The following CETN3 variants were observed in gnomAD, a reference collection of about 807,000 sequenced individuals.
CETN3 encodes centrin 3, also known as centrin-3.
Under a neutral mutation model 20.1 loss-of-function variants are expected in CETN3, and 17 were observed. That is an observed-to-expected ratio of 0.85 (90% CI 0.58 to 1.27). The LOEUF is 1.27. CETN3 is among the 50% of genes most tolerant of loss of function. The probability of loss-of-function intolerance (pLI) is 0.00; values close to 1 mark genes in which losing one functional copy is unlikely to be tolerated. For missense variants in CETN3, 169 were observed against 191.2 expected, an observed-to-expected ratio of 0.88 and a Z score of 0.69; for synonymous variants, 52 against 59.7, an observed-to-expected ratio of 0.87 and a Z score of 0.59.
chr5:90,394,870 C>G (rs1031520776), intron 4 of CETN3, among the ~76,000 whole-genome samples: 12 of 144,450 alleles, frequency 8.3e-5, no homozygotes, highest in Non-Finnish European at 1.1e-4. Context: ...ATCAGATAAT[C>G]TTATAGAATA....
intron 3 of CETN3, among the ~76,000 whole-genome samples, chr5:90,403,081 A>C (rs1376093419): frequency 6.6e-6 from 1 of 152,230 alleles, no homozygotes; most frequent in Non-Finnish European, 1.5e-5. Flanking sequence ...CACTAGCCTC[A>C]GGCTGTCTTG....
At chr5:90,409,379 C>A (rs1338544960) in intron 1 of CETN3, among the ~76,000 whole-genome samples, 1 of 152,166 alleles carries the variant, frequency 6.6e-6, no homozygotes, top group Non-Finnish European at 1.5e-5. Flanking sequence ...CCACCTCGCT[C>A]GCAACTAAGC....
intron 4 of CETN3, chr5:90,396,000 A>T (rs1749128708): frequency 4.5e-6 from 4 of 895,534 alleles, no homozygotes; most frequent in African/African-American, 1.8e-5. Flanking sequence ...TTATTAAAAC[A>T]AAGACCAAAT....
At position 90,395,795 on chromosome 5, in the gene CETN3, A is replaced by C. The variant is rs1749125093; in HGVS notation, c.461-1688T>G. ...AGTCTGACAATTTTTCTGTTTGAGA[A>C]TATTCATAATGAACAGTTAGAAAAA... On this transcript the variant is annotated intron_variant, in intron 4 of 4. Coordinates refer to ENST00000283122, the MANE Select transcript of CETN3 (RefSeq NM_004365.4). 4 of 778,352 alleles carry C rather than the reference A, an allele frequency of 5.1e-6. No individual in the cohort carries two copies. The Admixed American group carries it at 2.5e-4, about 49-fold the overall frequency. 48.2% of individuals were successfully genotyped at this position (778,352 alleles called of 1,614,324 possible). A position where few individuals can be genotyped will look rare whatever the true frequency, so the allele number is the denominator to read the frequency against.
intron 4 of CETN3, among the ~76,000 whole-genome samples, chr5:90,396,958 T>C (rs975542069): frequency 1.3e-5 from 2 of 152,050 alleles, no homozygotes; most frequent in Non-Finnish European, 2.9e-5. Flanking sequence ...GTATAACAAT[T>C]TACATAGCAT....
chr5:90,400,181 T>C (rs1327229346), intron 3 of CETN3, among the ~76,000 whole-genome samples: 5 of 152,162 alleles, frequency 3.3e-5, no homozygotes, highest in Non-Finnish European at 7.4e-5. Context: ...AATCTGACTA[T>C]AGCAGGAAAG....
chr5:90,393,433 T>C lies in CETN3; in HGVS notation c.*631A>G, dbSNP rs1402936526. ...AATGATACCAAGTTAAGAAACATAA[T>C]ACACAAGGATAAATGGGTCTATCTG... On this transcript the variant is annotated 3_prime_UTR_variant, in exon 5 of 5. Coordinates refer to ENST00000283122, the MANE Select transcript of CETN3 (RefSeq NM_004365.4). 6.6e-6 allele frequency: 1 copy of C among 152,244 alleles called. No homozygotes were observed. The highest frequency in any genetic ancestry group is 2.1e-4 in the South Asian group (1 of 4,828). The allele number at this position is 152,244 out of a possible 1,614,324, so 9.4% of individuals were successfully genotyped here.
intron 4 of CETN3, among the ~76,000 whole-genome samples, chr5:90,394,453 A>C (rs924437946): frequency 1.3e-5 from 2 of 152,020 alleles, no homozygotes; most frequent in Admixed American, 1.3e-4. Flanking sequence ...TTCTTTAAAC[A>C]ACCCTCTTTA....
intron 2 of CETN3, among the ~76,000 whole-genome samples, chr5:90,406,575 CA>C (rs937954391): frequency 7.3e-5 from 11 of 151,208 alleles, no homozygotes; most frequent in Non-Finnish European, 5.9e-5. Context: ...TAGTTGGTGG[CA>C]AAAGTGTAGA....
chr5:90,392,298 T>C lies in CETN3; in HGVS notation c.*1766A>G, dbSNP rs1053897519. The C allele has an allele frequency of 6.6e-6, 1 of 152,128 alleles. No homozygotes were observed. The highest frequency in any genetic ancestry group is 6.5e-5 in the Admixed American group (1 of 15,272). The allele number at this position is 152,128 out of a possible 1,614,324, so 9.4% of individuals were successfully genotyped here. On this transcript the variant is annotated 3_prime_UTR_variant, in exon 5 of 5. Coordinates refer to ENST00000283122, the MANE Select transcript of CETN3 (RefSeq NM_004365.4). Reference sequence around the variant, plus strand: ...GTTTTATTTTTCACTTTCCTGGAAATCAATATATTTCATGATCAAGACAGA... The same window carrying C: ...GTTTTATTTTTCACTTTCCTGGAAACCAATATATTTCATGATCAAGACAGA...
At chr5:90,399,642 G>T in intron 3 of CETN3, 93 bp from the exon 4 acceptor site, 1 of 974,284 alleles carries the variant, frequency 1.0e-6, no homozygotes. Flanking sequence ...GAGAATTAAA[G>T]CTGTGACTGT....
At chr5:90,396,752 G>GT (rs1232603721) in intron 4 of CETN3, among the ~76,000 whole-genome samples, 1 of 151,954 alleles carries the variant, frequency 6.6e-6, no homozygotes, top group Non-Finnish European at 1.5e-5. Context: ...TCATATATAA[G>GT]TTTGAAAACC....
intron 3 of CETN3, among the ~76,000 whole-genome samples, chr5:90,400,094 T>C (rs1749243461): frequency 6.6e-6 from 1 of 152,196 alleles, no homozygotes; most frequent in Admixed American, 6.5e-5. Context: ...AGACAGCATT[T>C]GAAAATTCCA....
rs1379795859 is a variant in CETN3 at position 90,394,014 on chromosome 5, G to T, written c.*50C>A. On this transcript the variant is annotated 3_prime_UTR_variant, in exon 5 of 5. Coordinates refer to ENST00000283122, the MANE Select transcript of CETN3 (RefSeq NM_004365.4). ...TCACATGGCTCCAGGCACAAAAATA[G>T]AATATAAGATGGTAACTGCAACATT... 3 of 1,284,864 alleles carry T rather than the reference G, an allele frequency of 2.3e-6. No homozygotes were observed. The highest frequency in any genetic ancestry group is 3.3e-6 in the Non-Finnish European group (3 of 901,712). 79.6% of individuals were successfully genotyped at this position (1,284,864 alleles called of 1,614,324 possible).
chr5:90,394,746 G>T (rs6872918), intron 4 of CETN3, among the ~76,000 whole-genome samples: 10,984 of 151,606 alleles, frequency 0.072, 1,337 homozygotes, highest in African/African-American at 0.25. Flanking sequence ...TAGATGTAAA[G>T]GCAGAAAATA....
chr5:90,395,624 G>A (rs1749120951), intron 4 of CETN3: 1 of 155,872 alleles, frequency 6.4e-6, no homozygotes, highest in Non-Finnish European at 1.4e-5. Flanking sequence ...ATGGGCCATG[G>A]TGCCTGGCCT....
rs1749053554 is a variant in CETN3, at chr5:90,393,003, T to C, written c.*1061A>G. The C allele has an allele frequency of 2.0e-5, 3 of 152,276 alleles. No individual in the cohort carries two copies. The highest frequency in any genetic ancestry group is 3.9e-4 in the East Asian group (2 of 5,180). The allele number at this position is 152,276 out of a possible 1,614,324, so 9.4% of individuals were successfully genotyped here. ...AAGAAAGATTGCTGAAATAGACAAC[T>C]CAATTCCGTTCCTGGGAGAGCCCAT... On this transcript the variant is annotated 3_prime_UTR_variant, in exon 5 of 5. Coordinates refer to ENST00000283122, the MANE Select transcript of CETN3 (RefSeq NM_004365.4).
chr5:90,399,536 T>C lies in CETN3; in HGVS notation c.282A>G (p.Ile94Met), dbSNP rs781631508. Residue 94 changes from isoleucine (I) to methionine (M), a missense_variant, in exon 4 of 5, where the codon ATA becomes ATG. Physicochemically the swap from Ile to Met is conservative, Grantham distance 10 (BLOSUM62 1). Transcript: ENST00000283122. Reference protein sequence around the residue: ...EDFNEVVTDWILERDPHEEIL... With the variant: ...EDFNEVVTDWMLERDPHEEIL... ...TTTCTTCATGGGGATCTCTTTCCAA[T>C]ATCCAGTCTGTCACTACAGTTTAAA... 1.3e-5 allele frequency: 21 copies of C among 1,611,616 alleles called. No homozygotes were observed. The highest frequency in any genetic ancestry group is 1.7e-5 in the Admixed American group (1 of 59,992).
chr5:90,409,594 C>T (rs747224241), intron 1 of CETN3, 51 bp downstream of exon 1: 2 of 1,610,870 alleles, frequency 1.2e-6, no homozygotes, highest in Admixed American at 3.3e-5. Context: ...CACACCCTCC[C>T]TGGGCCCCGC....
Sources: gnomAD v4.1 joint callset for allele counts (sites outside exome capture counted in the v4.1 genomes callset) on GRCh38, gnomAD v4.1.1 for gene constraint, MANE v1.5 for transcripts, NCBI Gene and HGNC (gene_info 2026-07-23, HGNC 2026-07-21) for gene names.